Variants in FBXL7 observed in about 807,000 individuals in gnomAD.
FBXL7 encodes F-box/LRR-repeat protein 7.
In FBXL7, 12 loss-of-function variants were observed where a neutral mutation model predicts 38.3. The observed-to-expected ratio is 0.31, with a 90% CI of 0.20 to 0.51. The LOEUF (loss-of-function observed/expected upper bound fraction) is 0.51, where lower values mean the gene tolerates loss of function less well. Among genes scored for constraint, FBXL7 ranks in the 20% least tolerant of loss-of-function variants. The probability of loss-of-function intolerance (pLI) is 0.98; values close to 1 mark genes in which losing one functional copy is unlikely to be tolerated. For synonymous variants in FBXL7, 297 were observed against 300.9 expected, an observed-to-expected ratio of 0.99 and a Z score of 0.13; for missense variants, 567 against 676.4, an observed-to-expected ratio of 0.84 and a Z score of 1.79.
chr5:15,751,965 T>C (rs895433473), intron 2 of FBXL7, among the ~76,000 whole-genome samples: 1 of 152,314 alleles, frequency 6.6e-6, no homozygotes, highest in South Asian at 2.1e-4. Flanking sequence ...TACCACAGAA[T>C]GAAGTAATAG....
chr5:15,541,441 G>GTATATATATATATA (rs35405191), intron 1 of FBXL7, among the ~76,000 whole-genome samples: 26 of 53,344 alleles, frequency 4.9e-4, no homozygotes, highest in Admixed American at 5.7e-4. Flanking sequence ...ATGTGTGTGT[G>GTATATATATATATA]TGTATATATA....
chr5:15,735,080 T>A (rs4576146), intron 2 of FBXL7, among the ~76,000 whole-genome samples: 1 of 151,724 alleles, frequency 6.6e-6, no homozygotes, highest in African/African-American at 2.4e-5. Flanking sequence ...TACAGGCACG[T>A]GCCACCATGC....
intron 2 of FBXL7, among the ~76,000 whole-genome samples, chr5:15,629,409 A>G (rs1246802979): frequency 1.3e-5 from 2 of 152,220 alleles, no homozygotes; most frequent in African/African-American, 2.4e-5. Context: ...CATTGATTTT[A>G]TCAATTTCTA....
intron 2 of FBXL7, among the ~76,000 whole-genome samples, chr5:15,863,934 C>A (rs1739592490): frequency 6.6e-6 from 1 of 152,082 alleles, no homozygotes; most frequent in Non-Finnish European, 1.5e-5. Context: ...TAAATCAATT[C>A]TAGAGTTGTA....
intron 2 of FBXL7, among the ~76,000 whole-genome samples, chr5:15,891,590 G>C (rs961905960): frequency 3.9e-5 from 6 of 152,148 alleles, no homozygotes; most frequent in African/African-American, 1.2e-4. Context: ...ATATAAATGA[G>C]TATATTATAT....
intron 2 of FBXL7, among the ~76,000 whole-genome samples, chr5:15,925,103 AG>A (rs1287815571): frequency 6.6e-6 from 1 of 152,250 alleles, no homozygotes; most frequent in Admixed American, 6.5e-5. Flanking sequence ...CATATGACAA[AG>A]GATATGGGGA....
At chr5:15,714,877 G>GAGTGT (rs1203258589) in intron 2 of FBXL7, among the ~76,000 whole-genome samples, 22 of 151,016 alleles carry the variant, frequency 1.5e-4, no homozygotes, top group Admixed American at 9.9e-4. Flanking sequence ...AAAGAGGCAG[G>GAGTGT]AGTGTCGGAA....
At chr5:15,916,098 C>T (rs1039856225) in intron 2 of FBXL7, among the ~76,000 whole-genome samples, 2 of 152,168 alleles carry the variant, frequency 1.3e-5, no homozygotes, top group African/African-American at 4.8e-5. Context: ...CCCTTGTACA[C>T]ATTGTATTGG....
chr5:15,918,296 AAG>A (rs1741653050), intron 2 of FBXL7, among the ~76,000 whole-genome samples: 1 of 152,154 alleles, frequency 6.6e-6, no homozygotes, highest in Non-Finnish European at 1.5e-5. Context: ...AGAGGGTACT[AAG>A]AAGTTGTTTG....
chr5:15,503,613 C>T (rs1211755607), intron 1 of FBXL7, among the ~76,000 whole-genome samples: 4 of 152,092 alleles, frequency 2.6e-5, no homozygotes, highest in Non-Finnish European at 5.9e-5. Flanking sequence ...CTTTTTTTGT[C>T]TCTAAATCTT....
chr5:15,850,603 A>G (rs1739065691), intron 2 of FBXL7, among the ~76,000 whole-genome samples: 1 of 152,228 alleles, frequency 6.6e-6, no homozygotes, highest in African/African-American at 2.4e-5. Context: ...GTTTTCATAG[A>G]ACTTACTGCT....
At chr5:15,672,296 T>C (rs906713229) in intron 2 of FBXL7, among the ~76,000 whole-genome samples, 2 of 152,198 alleles carry the variant, frequency 1.3e-5, no homozygotes, top group Non-Finnish European at 2.9e-5. Flanking sequence ...TTTAATGTCT[T>C]TAAACTACTT....
intron 2 of FBXL7, among the ~76,000 whole-genome samples, chr5:15,808,765 A>T (rs1181502421): frequency 6.6e-6 from 1 of 152,210 alleles, no homozygotes; most frequent in African/African-American, 2.4e-5. Flanking sequence ...GTGCTTGCAC[A>T]GTTCCTGACA....
At chr5:15,656,855 T>A (rs930722414) in intron 2 of FBXL7, among the ~76,000 whole-genome samples, 1 of 151,980 alleles carries the variant, frequency 6.6e-6, no homozygotes, top group African/African-American at 2.4e-5. Flanking sequence ...ATGATTAATT[T>A]ATTAATATAA....
intron 2 of FBXL7, among the ~76,000 whole-genome samples, chr5:15,650,065 C>A (rs534354566): frequency 1.3e-5 from 2 of 152,176 alleles, no homozygotes; most frequent in Non-Finnish European, 2.9e-5. Flanking sequence ...TGCCTTCGGG[C>A]TCATCTTTTC....
chr5:15,765,902 G>A lies in FBXL7; in HGVS notation c.127+149830G>A, dbSNP rs139472865. On this transcript the variant is annotated intron_variant, in intron 2 of 3. Transcript: ENST00000504595. The stretch of plus-strand genomic sequence containing the variant: ...AACCCTACTCTCATTTCCTCATCCA[G>A]CCTCTCTCACGTGACCATGCTTACA... 1.0e-3 allele frequency among the ~76,000 whole-genome samples: 159 copies of A among 152,114 alleles called. 1 individual carries two copies. The highest frequency in any genetic ancestry group is 3.5e-3 in the African/African-American group (144 of 41,492).
At chr5:15,673,060 C>T (rs1339717439) in intron 2 of FBXL7, among the ~76,000 whole-genome samples, 2 of 152,062 alleles carry the variant, frequency 1.3e-5, no homozygotes, top group East Asian at 1.9e-4. Flanking sequence ...GGTGCAGTGG[C>T]TCACGCCTGT....
intron 1 of FBXL7, among the ~76,000 whole-genome samples, chr5:15,522,246 A>G (rs185927258): frequency 5.9e-5 from 9 of 151,448 alleles, no homozygotes; most frequent in Admixed American, 4.6e-4. Flanking sequence ...CCTTTTCCTT[A>G]TCCTCCCTGT....
intron 2 of FBXL7, among the ~76,000 whole-genome samples, chr5:15,740,747 C>G (rs2126674613): frequency 6.6e-6 from 1 of 151,970 alleles, no homozygotes; most frequent in South Asian, 2.1e-4. Flanking sequence ...AGAATAAAAC[C>G]AATAGAGAAG....
Sources: gnomAD v4.1 joint callset for allele counts (sites outside exome capture counted in the v4.1 genomes callset) on GRCh38, gnomAD v4.1.1 for gene constraint, MANE v1.5 for transcripts, NCBI Gene and HGNC (gene_info 2026-07-23, HGNC 2026-07-21) for gene names.